Variants in SPANXN3 observed in about 807,000 individuals in gnomAD.
SPANXN3 encodes sperm protein associated with the nucleus on the X chromosome N3.
SPANXN3 carries 1 observed loss-of-function variant against 1.9 expected under a neutral mutation model. The observed-to-expected ratio is 0.54, with a 90% CI of 0.19 to 2.54. SPANXN3 has a LOEUF of 2.54. Ranked by LOEUF, SPANXN3 falls within the 30% of genes most tolerant of loss-of-function variation. SPANXN3 has a pLI of 0.24. For synonymous variants in SPANXN3, 47 were observed against 40.0 expected, an observed-to-expected ratio of 1.17 and a Z score of -0.66; for missense variants, 113 against 96.2, an observed-to-expected ratio of 1.17 and a Z score of -0.73.
intron 1 of SPANXN3, among the ~76,000 whole-genome samples, chrX:143,509,421 A>G (rs1929040882): frequency 9.0e-6 from 1 of 111,407 alleles, no homozygotes; most frequent in African/African-American, 3.3e-5. Flanking sequence ...GAAACATTCC[A>G]TGGGGGTTCA....
chrX:143,515,934 A>G (rs1250326492), intron 1 of SPANXN3, among the ~76,000 whole-genome samples: 1 of 111,725 alleles, frequency 9.0e-6, no homozygotes, highest in Non-Finnish European at 1.9e-5. Flanking sequence ...ATATGTTACA[A>G]ACGGATTCCA....
At chrX:143,515,902 C>T (rs182862721) in intron 1 of SPANXN3, among the ~76,000 whole-genome samples, 20 of 112,117 alleles carry the variant, frequency 1.8e-4, no homozygotes, top group Non-Finnish European at 1.9e-4. Context: ...CACCCTCCCT[C>T]GCCTCATAGC....
At chrX:143,515,661 T>A (rs1929199007) in intron 1 of SPANXN3, among the ~76,000 whole-genome samples, 2 of 110,112 alleles carry the variant, frequency 1.8e-5, no homozygotes, top group Non-Finnish European at 3.8e-5. Flanking sequence ...ACCTTTCCTC[T>A]TAAATCAGTC....
intron 1 of SPANXN3, chrX:143,516,602 C>G (rs1340593389): frequency 1.8e-5 from 2 of 111,769 alleles, no homozygotes; most frequent in African/African-American, 6.5e-5. Context: ...ACAATTGGCC[C>G]ATGTATATTT....
chrX:143,513,029 G>A (rs1194932092), intron 1 of SPANXN3, among the ~76,000 whole-genome samples: 3 of 111,382 alleles, frequency 2.7e-5, no homozygotes, highest in Non-Finnish European at 5.7e-5. Context: ...CCTAATTCTC[G>A]AGCCATCCCA....
intron 1 of SPANXN3, among the ~76,000 whole-genome samples, chrX:143,512,289 A>G (rs1238637175): frequency 9.0e-6 from 1 of 111,568 alleles, no homozygotes; most frequent in Non-Finnish European, 1.9e-5. Context: ...AAAGCTTGGA[A>G]TGTTTCTAAA....
Position 143,517,324 on chromosome X carries a change from T to G in SPANXN3, c.68A>C (p.Lys23Thr), listed in dbSNP as rs149442700. The change falls in exon 1 of 2, where the codon AAA becomes ACA. Residue 23 changes from lysine (K) to threonine (T), a missense_variant. Physicochemically the swap from Lys to Thr is moderately conservative, Grantham distance 78. Transcript: ENST00000370503. ...ACCTGACAATCTTACCTCATCATTTTTTTTGTTATTGGATTCACAGGGGCT... is the reference window on the plus strand; with the variant it reads ...ACCTGACAATCTTACCTCATCATTTGTTTTGTTATTGGATTCACAGGGGCT... ...TKSPCESNNKKNDEMQEVPNR... is the reference protein window; with the variant it reads ...TKSPCESNNKTNDEMQEVPNR... 1.5e-4 allele frequency: 176 copies of G among 1,209,148 alleles called. No individual in the cohort carries two copies. In the African/African-American group the frequency reaches 2.7e-3, roughly 19 times the overall value.
chrX:143,509,750 G>C (rs1929049518), intron 1 of SPANXN3: 1 of 118,108 alleles, frequency 8.5e-6, no homozygotes, highest in Non-Finnish European at 1.9e-5. Flanking sequence ...AAGTACCCCA[G>C]GCTATAAGCG....
intron 1 of SPANXN3, among the ~76,000 whole-genome samples, chrX:143,510,971 A>G (rs144545733): frequency 0.036 from 3,959 of 111,516 alleles, 168 homozygotes; most frequent in African/African-American, 0.12. Flanking sequence ...AGGAGGTTGC[A>G]AGGACTGAAG....
intron 1 of SPANXN3, among the ~76,000 whole-genome samples, chrX:143,515,841 C>A (rs2066217115): frequency 8.9e-6 from 1 of 111,862 alleles, no homozygotes. Flanking sequence ...CAGCTAAACT[C>A]TTTTTCCCCC....
chrX:143,516,774 T>G (rs2124261226), intron 1 of SPANXN3: 1 of 116,205 alleles, frequency 8.6e-6, no homozygotes, highest in East Asian at 2.8e-4. Flanking sequence ...ACCCAAACCC[T>G]GATTACAGCT....
In SPANXN3 at chrX:143,511,977, C is replaced by A. The variant is rs1218674120; in HGVS notation, c.79-2815G>T. Among the ~76,000 whole-genome samples, 7 of 111,316 alleles carry A rather than the reference C, an allele frequency of 6.3e-5. No homozygotes were observed. In the Admixed American group the frequency reaches 6.7e-4, roughly 11 times the overall value. On this transcript the variant is annotated intron_variant, in intron 1 of 1. Transcript: ENST00000370503. Reference sequence around the variant, plus strand: ...ACGACAACTAGTTACTCGGTTTTACCAGAATATTCTAGACCCTTTTTCTGT... The same window carrying A: ...ACGACAACTAGTTACTCGGTTTTACAAGAATATTCTAGACCCTTTTTCTGT...
chrX:143,508,988 C>T lies in SPANXN3; in HGVS notation c.253G>A (p.Glu85Lys), dbSNP rs1929026081. 1 of 1,212,233 alleles carries T rather than the reference C, an allele frequency of 8.2e-7. No individual in the cohort carries two copies. Among genetic ancestry groups the T allele is most frequent in the Non-Finnish European group, 1.1e-6 (1 of 895,648 alleles). Residue 85 changes from glutamate to lysine, a missense_variant, in exon 2 of 2, where the codon GAG (glutamate) becomes AAG (lysine). Transcript: ENST00000370503. ...TCAGATAAGTCTACGCCTTCGTCCT[C>T]CTCCTTTTGGATTGGATTGATGGAG... ...ENSINPIQKE[E>K]DEGVDLSEGS...
Position 143,512,991 on chromosome X carries a change from A to G in SPANXN3, c.79-3829T>C, listed in dbSNP as rs1420064177. Among the ~76,000 whole-genome samples, 6 of 112,020 alleles carry G rather than the reference A, an allele frequency of 5.4e-5. No homozygotes were observed. In the Admixed American group the frequency reaches 5.6e-4, roughly 11 times the overall value. On this transcript the variant is annotated intron_variant, in intron 1 of 1. Transcript: ENST00000370503. ...CAATATTTCAGGTAGCCCAAACCAAAGTTACTTACCTTGGGTTTGTCCTAA... is the reference window on the plus strand; with the variant it reads ...CAATATTTCAGGTAGCCCAAACCAAGGTTACTTACCTTGGGTTTGTCCTAA...
At chrX:143,511,468 A>G (rs1929089883) in intron 1 of SPANXN3, among the ~76,000 whole-genome samples, 1 of 111,666 alleles carries the variant, frequency 9.0e-6, no homozygotes, top group African/African-American at 3.3e-5. Context: ...TCAGCCCCAG[A>G]CATTTGAAAA....
intron 1 of SPANXN3, 118 bp from the exon 2 acceptor site, chrX:143,509,280 G>T: frequency 1.7e-6 from 1 of 586,500 alleles, no homozygotes; most frequent in Non-Finnish European, 2.8e-6. Flanking sequence ...GTGTGTGCCA[G>T]AGAAGAACAA....
At chrX:143,509,425 G>T (rs1422542673) in intron 1 of SPANXN3, among the ~76,000 whole-genome samples, 3 of 111,161 alleles carry the variant, frequency 2.7e-5, no homozygotes, top group Admixed American at 9.5e-5. Context: ...CATTCCATGG[G>T]GGTTCAGGCC....
Position 143,511,301 on chromosome X carries a change from C to G in SPANXN3, c.79-2139G>C, listed in dbSNP as rs377564484. ...GGCAACTTCTGTAGACAGGCAGAAA[C>G]CAGGCCATATGATATCATGCCTTCT... On this transcript the variant is annotated intron_variant, in intron 1 of 1. Coordinates refer to ENST00000370503, the MANE Select transcript of SPANXN3 (RefSeq NM_001009609.4). 6.1e-4 allele frequency among the ~76,000 whole-genome samples: 68 copies of G among 111,579 alleles called. 1 individual carries two copies. The highest frequency in any genetic ancestry group is 1.1e-3 in the Non-Finnish European group (59 of 53,120).
At chrX:143,514,433 T>G (rs1445035871) in intron 1 of SPANXN3, among the ~76,000 whole-genome samples, 4 of 111,596 alleles carry the variant, frequency 3.6e-5, no homozygotes, top group East Asian at 2.8e-4. Context: ...CAATCTGAAA[T>G]ATATTACTAA....
Sources: allele counts gnomAD v4.1 joint callset (sites outside exome capture counted in the v4.1 genomes callset), GRCh38; gene constraint gnomAD v4.1.1; transcripts MANE v1.5; gene names NCBI Gene and HGNC (gene_info 2026-07-23, HGNC 2026-07-21).